SMAD3: variants seen among roughly 807,000 people sequenced by gnomAD.
SMAD3 encodes MAD homolog 3.
Under a neutral mutation model 51.8 loss-of-function variants are expected in SMAD3, and 12 were observed. The observed-to-expected ratio is 0.23, with a 90% CI of 0.15 to 0.38. The LOEUF (loss-of-function observed/expected upper bound fraction) is 0.38. SMAD3 is among the 10% of genes least tolerant of loss of function. The pLI is 1.00. For missense variants in SMAD3, 294 were observed against 565.6 expected (o/e 0.52, Z 4.87); for synonymous variants, 238 against 227.7 (o/e 1.05, Z -0.41).
intron 5 of SMAD3, among the ~76,000 whole-genome samples, chr15:67,179,974 G>T (rs1404821720): frequency 1.3e-5 from 2 of 152,176 alleles, no homozygotes; most frequent in East Asian, 3.9e-4. Context: ...CTTAGTAACT[G>T]CGTCGCTTCG....
intron 1 of SMAD3, among the ~76,000 whole-genome samples, chr15:67,076,078 C>T (rs1346032281): frequency 6.6e-6 from 1 of 152,146 alleles, no homozygotes; most frequent in Non-Finnish European, 1.5e-5. Context: ...CCTTCCCATC[C>T]CGACACACTT....
At chr15:67,107,965 T>TCCC (rs138958033) in intron 1 of SMAD3, among the ~76,000 whole-genome samples, 19 of 124,632 alleles carry the variant, frequency 1.5e-4, no homozygotes, top group South Asian at 8.5e-4. Context: ...TGCTCTCCTC[T>TCCC]CCCCCCCACC....
At chr15:67,072,955 G>A (rs1464337312) in intron 1 of SMAD3, among the ~76,000 whole-genome samples, 1 of 152,152 alleles carries the variant, frequency 6.6e-6, no homozygotes, top group African/African-American at 2.4e-5. Flanking sequence ...GCCGTACCAG[G>A]TGCTAATTTC....
chr15:67,075,642 C>T (rs574246878), intron 1 of SMAD3, among the ~76,000 whole-genome samples: 2 of 152,292 alleles, frequency 1.3e-5, no homozygotes, highest in African/African-American at 4.8e-5. Flanking sequence ...TGGCCGGGCA[C>T]GGTGGCTCAT....
intron 5 of SMAD3, among the ~76,000 whole-genome samples, chr15:67,178,252 C>T (rs774080351): frequency 2.0e-5 from 3 of 152,164 alleles, no homozygotes; most frequent in Admixed American, 6.5e-5. Flanking sequence ...TAGCACCATG[C>T]GACACAATGG....
intron 1 of SMAD3, among the ~76,000 whole-genome samples, chr15:67,164,606 C>T (rs1385072229): frequency 6.6e-6 from 1 of 152,216 alleles, no homozygotes; most frequent in African/African-American, 2.4e-5. Flanking sequence ...GGGCCCTTCC[C>T]ATGGAATGCC....
chr15:67,069,068 T>C (rs1959991818), intron 1 of SMAD3, among the ~76,000 whole-genome samples: 1 of 152,182 alleles, frequency 6.6e-6, no homozygotes, highest in South Asian at 2.1e-4. Context: ...AAGTGTGTTT[T>C]GGCTAATATA....
intron 4 of SMAD3, among the ~76,000 whole-genome samples, chr15:67,167,683 G>C (rs1962628319): frequency 6.6e-6 from 1 of 152,180 alleles, no homozygotes; most frequent in Non-Finnish European, 1.5e-5. Flanking sequence ...GAGGGGCAGG[G>C]CTTATTTCTC....
At chr15:67,119,962 A>AT (rs1317104220) in intron 1 of SMAD3, among the ~76,000 whole-genome samples, 2 of 152,088 alleles carry the variant, frequency 1.3e-5, no homozygotes, top group Non-Finnish European at 2.9e-5. Flanking sequence ...ACGCCTGGCT[A>AT]TTTTTTGTAT....
At chr15:67,117,663 C>T (rs1212421004) in intron 1 of SMAD3, among the ~76,000 whole-genome samples, 4 of 152,188 alleles carry the variant, frequency 2.6e-5, no homozygotes, top group Non-Finnish European at 5.9e-5. Flanking sequence ...CATGGATTTT[C>T]AAACTTTCTT....
chr15:67,164,333 AAAAAAAAAAAAAG>A (rs1962515579), intron 1 of SMAD3, among the ~76,000 whole-genome samples: 1 of 151,496 alleles, frequency 6.6e-6, no homozygotes, highest in African/African-American at 2.4e-5. Flanking sequence ...AAAAAAAAAA[AAAAAAAAAAAAAG>A]AGGAGGAAAG....
intron 1 of SMAD3, among the ~76,000 whole-genome samples, chr15:67,143,868 C>T (rs752164245): frequency 2.0e-5 from 3 of 152,050 alleles, no homozygotes; most frequent in Non-Finnish European, 2.9e-5. Flanking sequence ...CTCCTGGGTT[C>T]ACATGATTCT....
chr15:67,170,016 C>T (rs1962702537), intron 4 of SMAD3, among the ~76,000 whole-genome samples: 1 of 152,128 alleles, frequency 6.6e-6, no homozygotes, highest in Non-Finnish European at 1.5e-5. Context: ...TTGTGAGTTT[C>T]CTGAAATTGA....
chr15:67,091,232 G>C (rs1373105063), intron 1 of SMAD3, among the ~76,000 whole-genome samples: 1 of 152,168 alleles, frequency 6.6e-6, no homozygotes, highest in African/African-American at 2.4e-5. Flanking sequence ...TATTATTCCT[G>C]CTCCCCCAGC....
At chr15:67,173,497 G>A (rs1962807975) in intron 5 of SMAD3, among the ~76,000 whole-genome samples, 1 of 152,174 alleles carries the variant, frequency 6.6e-6, no homozygotes, top group South Asian at 2.1e-4. Context: ...GTGGTCTGAG[G>A]ACAGCTGGCA....
At chr15:67,096,033 G>A (rs2140218790) in intron 1 of SMAD3, among the ~76,000 whole-genome samples, 1 of 152,326 alleles carries the variant, frequency 6.6e-6, no homozygotes, top group African/African-American at 2.4e-5. Flanking sequence ...ATCTGCGACT[G>A]AGTAGCAGGG....
chr15:67,181,789 A>AT (rs10713173), intron 6 of SMAD3, among the ~76,000 whole-genome samples: 135 of 137,852 alleles, frequency 9.8e-4, no homozygotes, highest in Admixed American at 2.0e-3. Flanking sequence ...TATGAAATCT[A>AT]TTTTTTTTTT....
chr15:67,176,926 A>G (rs1160741039), intron 5 of SMAD3, among the ~76,000 whole-genome samples: 1 of 152,162 alleles, frequency 6.6e-6, no homozygotes, highest in African/African-American at 2.4e-5. Flanking sequence ...GCCATCGTCT[A>G]CCACCCCAGC....
intron 1 of SMAD3, among the ~76,000 whole-genome samples, chr15:67,069,850 C>T (rs895792490): frequency 6.6e-6 from 1 of 152,094 alleles, no homozygotes; most frequent in African/African-American, 2.4e-5. Context: ...GGATTACAGG[C>T]GCCCGCCACC....
Sources: gnomAD v4.1 joint callset for allele counts (sites outside exome capture counted in the v4.1 genomes callset) on GRCh38, gnomAD v4.1.1 for gene constraint, MANE v1.5 for transcripts, NCBI Gene and HGNC (gene_info 2026-07-23, HGNC 2026-07-21) for gene names.